TMBIM1: variants seen among roughly 807,000 people sequenced by gnomAD.
The protein encoded by TMBIM1 is transmembrane BAX inhibitor motif containing 1, also known as protein lifeguard 3.
TMBIM1 carries 34 observed loss-of-function variants against 45.1 expected under a neutral mutation model. The observed-to-expected ratio is 0.75, with a 90% CI of 0.57 to 1.00. The LOEUF (loss-of-function observed/expected upper bound fraction) is 1.00. TMBIM1 is among the 50% of genes least tolerant of loss of function. The probability of loss-of-function intolerance (pLI) is 0.00; values close to 1 mark genes in which losing one functional copy is unlikely to be tolerated. For synonymous variants in TMBIM1, 157 were observed against 153.5 expected, an observed-to-expected ratio of 1.02 and a Z score of -0.17; for missense variants, 374 against 402.4, an observed-to-expected ratio of 0.93 and a Z score of 0.60.
chr2:218,286,717 G>C (rs1290358931), intron 1 of TMBIM1: 1 of 152,410 alleles, frequency 6.6e-6, no homozygotes, highest in East Asian at 1.9e-4. Flanking sequence ...AAGGGTTAAG[G>C]CTCCGGAATC....
At chr2:218,292,206 G>C (rs1692976170) in intron 1 of TMBIM1, among the ~76,000 whole-genome samples, 1 of 152,228 alleles carries the variant, frequency 6.6e-6, no homozygotes, top group South Asian at 2.1e-4. Flanking sequence ...GCTCACCAGT[G>C]CCCACAACAC....
chr2:218,279,963 C>T, intron 3 of TMBIM1, 63 bp downstream of exon 3: 2 of 1,246,808 alleles, frequency 1.6e-6, no homozygotes, highest in East Asian at 2.3e-5. Context: ...TGTGGCCTAC[C>T]CACTTCCCAT....
At position 218,277,427 on chromosome 2, in the gene TMBIM1, A is replaced by G. The variant is rs148754183; in HGVS notation, c.578T>C (p.Ile193Thr). 25 of 1,614,196 alleles carry G rather than the reference A, an allele frequency of 1.5e-5. No individual in the cohort carries two copies. Among genetic ancestry groups the G allele is most frequent in the African/African-American group, 8.0e-5 (6 of 75,048 alleles). The change falls in exon 9 of 12, where the codon ATT becomes ACT. Residue 193 changes from isoleucine to threonine, a missense_variant. Ile to Thr is a moderately conservative substitution (Grantham distance 89). Coordinates refer to ENST00000258412, the MANE Select transcript of TMBIM1 (RefSeq NM_022152.6). ...SSMYQTKAVI[I>T]AMIITAVVSI... Reference sequence around the variant, plus strand: ...TACCACCGCAGTGATGATCATTGCAATGATGACGGCTTTGGTTTGGTACAT... The same window carrying G: ...TACCACCGCAGTGATGATCATTGCAGTGATGACGGCTTTGGTTTGGTACAT...
chr2:218,282,294 A>G, intron 1 of TMBIM1, 113 bp from the exon 2 acceptor site: 1 of 603,262 alleles, frequency 1.7e-6, no homozygotes. Flanking sequence ...AACACCACCT[A>G]TTTTCTCCTT....
At chr2:218,277,841 C>A in intron 7 of TMBIM1, 94 bp downstream of exon 7, 1 of 1,579,078 alleles carries the variant, frequency 6.3e-7, no homozygotes, top group Non-Finnish European at 8.7e-7. Flanking sequence ...AGGAGACAGC[C>A]AGGACATCCT....
intron 1 of TMBIM1, among the ~76,000 whole-genome samples, chr2:218,290,486 C>G (rs1692862829): frequency 6.6e-6 from 1 of 152,210 alleles, no homozygotes; most frequent in Non-Finnish European, 1.5e-5. Flanking sequence ...GACATGCCCT[C>G]TCACTCTCAG....
In TMBIM1 at chr2:218,279,376, G is replaced by C. The variant is rs374036962; in HGVS notation, c.304-23C>G. Reference sequence around the variant, plus strand: ...AACCTGGACACAGACGGCCGGGCATGGGTCACCATCCGGCACCCCTGGCCT... The same window carrying C: ...AACCTGGACACAGACGGCCGGGCATCGGTCACCATCCGGCACCCCTGGCCT... On this transcript the variant is annotated intron_variant, in intron 3 of 11. Transcript: ENST00000258412. 2.5e-4 allele frequency: 384 copies of C among 1,539,036 alleles called. 2 individuals are homozygous for C. In the African/African-American group the frequency reaches 4.8e-3, roughly 19 times the overall value.
At chr2:218,288,492 C>T (rs921057114) in intron 1 of TMBIM1, among the ~76,000 whole-genome samples, 6 of 152,172 alleles carry the variant, frequency 3.9e-5, no homozygotes, top group East Asian at 1.9e-4. Context: ...TGAACCACTT[C>T]CAGTACTTAC....
At chr2:218,279,637 C>T in intron 3 of TMBIM1, 1 of 489,196 alleles carries the variant, frequency 2.0e-6, no homozygotes, top group Non-Finnish European at 3.7e-6. Flanking sequence ...TCTGCACTCC[C>T]AGCAGCTCAG....
intron 9 of TMBIM1, 96 bp from the exon 10 acceptor site, chr2:218,277,195 G>T (rs904293735): frequency 4.1e-6 from 5 of 1,220,178 alleles, no homozygotes; most frequent in Admixed American, 3.5e-5. Context: ...TGCCTCCTAG[G>T]GGGTATGGGA....
intron 7 of TMBIM1, 50 bp from the exon 8 acceptor site, chr2:218,277,720 C>T (rs1691374801): frequency 6.2e-7 from 1 of 1,611,994 alleles, no homozygotes; most frequent in Admixed American, 1.7e-5. Flanking sequence ...GGAAGGAAGG[C>T]AGGGTGCTGG....
intron 1 of TMBIM1, among the ~76,000 whole-genome samples, chr2:218,282,417 C>T (rs1366519327): frequency 6.6e-6 from 1 of 152,224 alleles, no homozygotes; most frequent in Non-Finnish European, 1.5e-5. Flanking sequence ...GTGCAGCTCC[C>T]CAGCCATAGG....
intron 1 of TMBIM1, 140 bp from the exon 2 acceptor site, chr2:218,282,321 T>C: frequency 1.9e-6 from 1 of 535,882 alleles, no homozygotes; most frequent in East Asian, 3.5e-5. Flanking sequence ...CAGCGTGTGA[T>C]TTGCTGTCCA....
intron 1 of TMBIM1, among the ~76,000 whole-genome samples, chr2:218,285,334 C>G (rs1487676525): frequency 1.3e-5 from 2 of 152,204 alleles, no homozygotes; most frequent in Admixed American, 1.3e-4. Flanking sequence ...TCCCAAGCCC[C>G]TGCTCTTAAT....
Position 218,292,326 on chromosome 2 carries a change from G to T in TMBIM1, c.-41+140C>A, listed in dbSNP as rs192539859. 1,361 of 152,334 alleles carry T rather than the reference G, an allele frequency of 8.9e-3. 15 individuals are homozygous for T. The highest frequency in any genetic ancestry group is 0.031 in the African/African-American group (1,279 of 41,560). The allele number at this position is 152,334 out of a possible 1,614,324, so 9.4% of individuals were successfully genotyped here. A position where few individuals can be genotyped will look rare whatever the true frequency, so the allele number is the denominator to read the frequency against. On this transcript the variant is annotated intron_variant, in intron 1 of 11. Coordinates refer to ENST00000258412, the MANE Select transcript of TMBIM1 (RefSeq NM_022152.6). Reference sequence around the variant, plus strand: ...GGAGGGGAGATCCCCATCTGGAACGGGCTCCTTGGGCCCAGGAGCGGGCAA... The same window carrying T: ...GGAGGGGAGATCCCCATCTGGAACGTGCTCCTTGGGCCCAGGAGCGGGCAA...
At chr2:218,289,108 C>A (rs1214799347) in intron 1 of TMBIM1, among the ~76,000 whole-genome samples, 1 of 152,214 alleles carries the variant, frequency 6.6e-6, no homozygotes, top group South Asian at 2.1e-4. Flanking sequence ...CACGCACCTG[C>A]GTGAATAGGC....
At chr2:218,282,454 A>G (rs1291788843) in intron 1 of TMBIM1, among the ~76,000 whole-genome samples, 1 of 152,214 alleles carries the variant, frequency 6.6e-6, no homozygotes, top group African/African-American at 2.4e-5. Context: ...TTCGCTGAGG[A>G]GAGAGGGAAC....
At chr2:218,290,033 T>C (rs1037271540) in intron 1 of TMBIM1, 3 of 152,126 alleles carry the variant, frequency 2.0e-5, no homozygotes, top group African/African-American at 7.2e-5. Flanking sequence ...TATCCCTAAA[T>C]CAGCCCACGT....
rs918880775 is a variant in TMBIM1, at chr2:218,290,411, C to T, written c.-41+2055G>A. Among the ~76,000 whole-genome samples the T allele has an allele frequency of 5.3e-5, 8 of 152,190 alleles. 1 individual carries two copies. The highest frequency in any genetic ancestry group is 4.1e-4 in the South Asian group (2 of 4,832). On this transcript the variant is annotated intron_variant, in intron 1 of 11. Coordinates refer to ENST00000258412, the MANE Select transcript of TMBIM1 (RefSeq NM_022152.6). The stretch of plus-strand genomic sequence containing the variant: ...CCTGAGAATCATTCATATCCTAACT[C>T]CTCGTCTCTTATAACCTCTGTGCGT...
Sources: allele counts gnomAD v4.1 joint callset (sites outside exome capture counted in the v4.1 genomes callset), GRCh38; gene constraint gnomAD v4.1.1; transcripts MANE v1.5; gene names NCBI Gene and HGNC (gene_info 2026-07-23, HGNC 2026-07-21).